SECISBP2: variants seen among roughly 807,000 people sequenced by gnomAD.
SECISBP2 encodes SECIS binding protein 2.
Under a neutral mutation model 98.2 loss-of-function variants are expected in SECISBP2, and 96 were observed. That is an observed-to-expected ratio of 0.98 (90% CI 0.83 to 1.16). The LOEUF (loss-of-function observed/expected upper bound fraction) is 1.16. Among genes scored for constraint, SECISBP2 ranks in the 50% most tolerant of loss-of-function variants. The probability of loss-of-function intolerance (pLI) is 0.00; values close to 1 mark genes in which losing one functional copy is unlikely to be tolerated. For missense variants in SECISBP2, 1,046 were observed against 1,022.9 expected (o/e 1.02, Z -0.31); for synonymous variants, 407 against 370.2 (o/e 1.10, Z -1.14).
At chr9:89,363,564 T>C (rs1833093987), downstream of SECISBP2, 4 of 1,612,022 alleles carry the variant, frequency 2.5e-6, no homozygotes, top group East Asian at 8.9e-5. Flanking sequence ...CAAAGCTCTG[T>C]GGGCCTTTAT....
At chr9:89,329,254 G>A (rs1467903420) in intron 5 of SECISBP2, 2 of 249,652 alleles carry the variant, frequency 8.0e-6, no homozygotes, top group Non-Finnish European at 1.6e-5. Context: ...CTGGGACTAC[G>A]GGCGCACACT....
At chr9:89,321,832 T>G (rs1825863172) in intron 2 of SECISBP2, among the ~76,000 whole-genome samples, 1 of 152,216 alleles carries the variant, frequency 6.6e-6, no homozygotes, top group African/African-American at 2.4e-5. Flanking sequence ...TAATGAGACT[T>G]CACATGGTTG....
At chr9:89,353,332 G>A (rs1251986677) in intron 14 of SECISBP2, among the ~76,000 whole-genome samples, 1 of 152,172 alleles carries the variant, frequency 6.6e-6, no homozygotes, top group Admixed American at 6.5e-5. Context: ...CTCCCCTAGG[G>A]CTGGTCACAT....
intron 1 of SECISBP2, chr9:89,319,053 A>T: frequency 9.9e-7 from 1 of 1,011,696 alleles, no homozygotes; most frequent in Non-Finnish European, 1.2e-6. Flanking sequence ...TAGACCCATA[A>T]AATTCTCGGT....
chr9:89,359,231 C>T lies in SECISBP2; in HGVS notation c.*407C>T, dbSNP rs1015563912. The T allele has an allele frequency of 2.2e-5, 7 of 320,282 alleles. No homozygotes were observed. Among genetic ancestry groups the T allele is most frequent in the Non-Finnish European group, 4.2e-5 (7 of 166,602 alleles). 19.8% of individuals were successfully genotyped at this position (320,282 alleles called of 1,614,324 possible). On this transcript the variant is annotated 3_prime_UTR_variant, in exon 17 of 17. Transcript: ENST00000375807. The stretch of plus-strand genomic sequence containing the variant: ...CCTGCTGGAGGTTGCCATGGAGGGC[C>T]ATTCCTGCCCGGCAACAGCACCGTC...
chr9:89,319,658 A>G lies in SECISBP2; in HGVS notation c.43A>G (p.Lys15Glu), dbSNP rs766496561. ...GPREPESEGIKLSADVKPFVP... is the reference protein window; with the variant it reads ...GPREPESEGIELSADVKPFVP... ...ACCTCATATTTTTCCTCAGGGCATC[A>G]AGTTATCAGCAGATGTCAAACCATT... The change falls in exon 2 of 17, where the codon AAG (lysine) becomes GAG (glutamate). Residue 15 changes from lysine to glutamate, a missense_variant. By Grantham distance (56) the Lys-to-Glu change is moderately conservative. Transcript: ENST00000375807. 2 of 1,614,164 alleles carry G rather than the reference A, an allele frequency of 1.2e-6. No homozygotes were observed. The highest frequency in any genetic ancestry group is 1.7e-6 in the Non-Finnish European group (2 of 1,180,016).
Position 89,347,034 on chromosome 9 carries a change from A to T in SECISBP2, c.1588A>T (p.Thr530Ser), listed in dbSNP as rs139915131. 22 of 1,614,014 alleles carry T rather than the reference A, an allele frequency of 1.4e-5. No homozygotes were observed. Among genetic ancestry groups the T allele is most frequent in the Non-Finnish European group, 1.9e-5 (22 of 1,179,994 alleles). ...QREIPKAKKP[T>S]SLKKIILKER... ...GGAGATCCCCAAGGCCAAGAAGCCA[A>T]CCTCACTGAAGAAGGTATGTGGGGT... Residue 530 changes from threonine to serine, a missense_variant, in exon 11 of 17, where the codon ACC becomes TCC. Physicochemically the swap from Thr to Ser is moderately conservative, Grantham distance 58. Coordinates refer to ENST00000375807, the MANE Select transcript of SECISBP2 (RefSeq NM_024077.5).
intron 10 of SECISBP2, among the ~76,000 whole-genome samples, chr9:89,343,395 T>C (rs1331571530): frequency 4.6e-5 from 7 of 152,190 alleles, no homozygotes; most frequent in African/African-American, 7.2e-5. Context: ...GCAGGTTTGT[T>C]ATATAGGTAA....
chr9:89,324,170 T>TA (rs941361893), intron 2 of SECISBP2: 2 of 152,158 alleles, frequency 1.3e-5, no homozygotes, highest in African/African-American at 4.8e-5. Context: ...ACAAACAAAA[T>TA]ACAGCACAGA....
At position 89,325,415 on chromosome 9, in the gene SECISBP2, C is replaced by T. The variant is rs199933213; in HGVS notation, c.183-12C>T. On this transcript the variant is annotated splice_polypyrimidine_tract_variant and intron_variant, in intron 2 of 16. Transcript: ENST00000375807. The stretch of plus-strand genomic sequence containing the variant: ...ATGAAATCTGCAACTAAAGTTTACA[C>T]TTTTTACTTAGGCAGAAAATATATA... The T allele has an allele frequency of 3.1e-6, 5 of 1,613,458 alleles. No individual in the cohort carries two copies. The highest frequency in any genetic ancestry group is 2.7e-5 in the African/African-American group (2 of 75,048).
chr9:89,366,215 T>C, the SECISBP2 span, among the ~76,000 whole-genome samples: 1 of 152,242 alleles, frequency 6.6e-6, no homozygotes, highest in Non-Finnish European at 1.5e-5. Flanking sequence ...TGTATACATG[T>C]GTGAACGTAG....
intron 3 of SECISBP2, 51 bp from the exon 4 acceptor site, chr9:89,325,846 T>C: frequency 6.2e-7 from 1 of 1,610,838 alleles, no homozygotes; most frequent in Non-Finnish European, 8.5e-7. Flanking sequence ...GCTTTAAACC[T>C]TTTTTATAGT....
At chr9:89,341,093 C>T (rs1234233127) in intron 9 of SECISBP2, among the ~76,000 whole-genome samples, 1 of 152,044 alleles carries the variant, frequency 6.6e-6, no homozygotes, top group African/African-American at 2.4e-5. Flanking sequence ...TGACTACTCA[C>T]AATGGAGATA....
intron 7 of SECISBP2, among the ~76,000 whole-genome samples, chr9:89,336,029 G>A (rs940404304): frequency 2.5e-5 from 3 of 120,134 alleles, no homozygotes; most frequent in African/African-American, 9.4e-5. Flanking sequence ...TTATTTACTT[G>A]TTATAAGATA....
At chr9:89,357,957 T>C in intron 15 of SECISBP2, 42 bp from the exon 16 acceptor site, 2 of 1,607,318 alleles carry the variant, frequency 1.2e-6, no homozygotes, top group Non-Finnish European at 1.7e-6. Flanking sequence ...CCGTGTCCTC[T>C]GTAGCTGGGA....
At chr9:89,363,838 C>T (rs1347097085), downstream of SECISBP2, 28 of 1,614,146 alleles carry the variant, frequency 1.7e-5, no homozygotes, top group Non-Finnish European at 1.9e-5. Context: ...TGGCGTCCTG[C>T]AGCCAGCTGA....
At chr9:89,356,933 A>G (rs1003775579) in intron 14 of SECISBP2, 3 of 247,428 alleles carry the variant, frequency 1.2e-5, no homozygotes, top group African/African-American at 6.8e-5. Context: ...TTTCACCTCC[A>G]TCCTCTCTCT....
downstream of SECISBP2, chr9:89,364,240 G>A (rs1338333370): frequency 2.0e-6 from 1 of 507,152 alleles, no homozygotes; most frequent in Non-Finnish European, 3.5e-6. Context: ...GCAGCGCTGT[G>A]CTGGTTTCTT....
Position 89,319,767 on chromosome 9 carries a change from A to C in SECISBP2, c.152A>C (p.Tyr51Ser), listed in dbSNP as rs1338930701. 6.2e-7 allele frequency: 1 copy of C among 1,614,024 alleles called. No individual in the cohort carries two copies. The highest frequency in any genetic ancestry group is 1.3e-5 in the African/African-American group (1 of 74,904). ...TTCCCCAGCTCTGCAGCCACATACT[A>C]TCCGTTTGTTCAGGAACCACCAGTG... ...CVFPSSAATY[Y>S]PFVQEPPVTE... The change falls in exon 2 of 17, where the codon TAT (tyrosine) becomes TCT (serine). Residue 51 changes from tyrosine to serine, a missense_variant. Coordinates refer to ENST00000375807, the MANE Select transcript of SECISBP2 (RefSeq NM_024077.5).
Sources: gnomAD v4.1 joint callset for allele counts (sites outside exome capture counted in the v4.1 genomes callset) on GRCh38, gnomAD v4.1.1 for gene constraint, MANE v1.5 for transcripts, NCBI Gene and HGNC (gene_info 2026-07-23, HGNC 2026-07-21) for gene names.